Variants in CORIN observed in about 807,000 individuals in gnomAD.
CORIN encodes atrial natriuretic peptide-converting enzyme.
Under a neutral mutation model 125.3 loss-of-function variants are expected in CORIN, and 117 were observed. That is an observed-to-expected ratio of 0.93 (90% CI 0.80 to 1.09). The LOEUF is 1.09. Ranked by LOEUF, CORIN falls within the 50% of genes least tolerant of loss-of-function variation. CORIN has a pLI of 0.00. For missense variants in CORIN, 1,253 were observed against 1,306.7 expected, an observed-to-expected ratio of 0.96 and a Z score of 0.63; for synonymous variants, 450 against 466.4, an observed-to-expected ratio of 0.96 and a Z score of 0.45.
intron 19 of CORIN, among the ~76,000 whole-genome samples, chr4:47,617,563 G>C (rs1255643876): frequency 6.6e-6 from 1 of 152,210 alleles, no homozygotes; most frequent in Non-Finnish European, 1.5e-5. Context: ...GAGTCACCTA[G>C]GGATTTTTAA....
At chr4:47,682,836 A>T (rs1429590615) in intron 7 of CORIN, 2 of 152,240 alleles carry the variant, frequency 1.3e-5, no homozygotes, top group East Asian at 3.8e-4. Flanking sequence ...CATACATTTT[A>T]AAATATTTTT....
At chr4:47,779,002 A>G (rs1389633665) in intron 3 of CORIN, among the ~76,000 whole-genome samples, 1 of 152,194 alleles carries the variant, frequency 6.6e-6, no homozygotes, top group Non-Finnish European at 1.5e-5. Context: ...ATGAACTTGT[A>G]TGGGGAAAAA....
At chr4:47,609,078 CCAGAAA>C (rs1721768268) in intron 19 of CORIN, among the ~76,000 whole-genome samples, 3 of 152,004 alleles carry the variant, frequency 2.0e-5, no homozygotes, top group Admixed American at 6.6e-5. Flanking sequence ...AAGACTTACT[CCAGAAA>C]TAGCATAGCT....
At chr4:47,703,543 A>G (rs1726403987) in intron 5 of CORIN, among the ~76,000 whole-genome samples, 1 of 152,200 alleles carries the variant, frequency 6.6e-6, no homozygotes, top group South Asian at 2.1e-4. Context: ...TTAAACTTAC[A>G]CTATCTGCGC....
chr4:47,771,537 C>A (rs1730029199), intron 3 of CORIN, among the ~76,000 whole-genome samples: 2 of 152,092 alleles, frequency 1.3e-5, no homozygotes, highest in Admixed American at 6.6e-5. Context: ...TATTTCGTCA[C>A]CCAAGTATTA....
chr4:47,661,626 G>T, intron 12 of CORIN, 85 bp downstream of exon 12: 1 of 1,232,326 alleles, frequency 8.1e-7, no homozygotes, highest in Non-Finnish European at 1.1e-6. Context: ...AAACAAACAA[G>T]AAGCCATAAA....
At chr4:47,815,361 G>A (rs1732222312) in intron 1 of CORIN, among the ~76,000 whole-genome samples, 1 of 152,154 alleles carries the variant, frequency 6.6e-6, no homozygotes, top group African/African-American at 2.4e-5. Context: ...TTTCCCTGGA[G>A]GAAAGTTATT....
chr4:47,646,621 A>G (rs1366524174), intron 13 of CORIN, among the ~76,000 whole-genome samples: 1 of 152,232 alleles, frequency 6.6e-6, no homozygotes, highest in Non-Finnish European at 1.5e-5. Flanking sequence ...AAGAGACTAC[A>G]TGGCAAAAAA....
chr4:47,751,809 G>A (rs1045327880), intron 4 of CORIN, among the ~76,000 whole-genome samples: 1 of 152,176 alleles, frequency 6.6e-6, no homozygotes, highest in Admixed American at 6.5e-5. Flanking sequence ...GCATCTAGCA[G>A]TGTGCCTGGC....
intron 1 of CORIN, among the ~76,000 whole-genome samples, chr4:47,819,656 C>G (rs368634174): frequency 6.6e-6 from 1 of 152,248 alleles, no homozygotes; most frequent in African/African-American, 2.4e-5. Context: ...ATCCCATTAG[C>G]CTTAACTGGA....
At chr4:47,779,683 G>T (rs1730456193) in intron 3 of CORIN, among the ~76,000 whole-genome samples, 1 of 152,040 alleles carries the variant, frequency 6.6e-6, no homozygotes, top group African/African-American at 2.4e-5. Flanking sequence ...TGATCCACCT[G>T]CCTCGGCCTC....
At chr4:47,756,354 C>T (rs1445069482) in intron 4 of CORIN, among the ~76,000 whole-genome samples, 2 of 152,198 alleles carry the variant, frequency 1.3e-5, no homozygotes, top group East Asian at 3.9e-4. Context: ...ATGGGCAGAG[C>T]TATGCTTTGA....
At chr4:47,633,364 A>G (rs1207355062) in intron 16 of CORIN, among the ~76,000 whole-genome samples, 3 of 152,196 alleles carry the variant, frequency 2.0e-5, no homozygotes, top group African/African-American at 7.2e-5. Flanking sequence ...TTATCATTCT[A>G]ATATAAATTA....
At chr4:47,623,069 C>CCTCTCTCT (rs372736248) in intron 19 of CORIN, among the ~76,000 whole-genome samples, 3,227 of 93,234 alleles carry the variant, frequency 0.035, 82 homozygotes, top group Admixed American at 0.049. Flanking sequence ...CATAACATAA[C>CCTCTCTCT]CTCTCTCTCT....
chr4:47,666,572 C>G (rs1223365216), intron 10 of CORIN, among the ~76,000 whole-genome samples: 1 of 152,148 alleles, frequency 6.6e-6, no homozygotes, highest in Non-Finnish European at 1.5e-5. Flanking sequence ...AAACTCTAAC[C>G]TGCAATGTGA....
chr4:47,696,068 T>G (rs1408169103), intron 5 of CORIN, among the ~76,000 whole-genome samples: 10 of 152,208 alleles, frequency 6.6e-5, no homozygotes, highest in Non-Finnish European at 1.5e-4. Flanking sequence ...TCTTTTTCTC[T>G]CTAAACAAAA....
chr4:47,806,908 T>A lies in CORIN; in HGVS notation c.203A>T (p.Tyr68Phe), dbSNP rs945348937. Reference sequence around the variant, plus strand: ...TTAATAATGGCCTCACCCACCAACATAGGAAAGCAGGATCACCAGCAAGAG... The same window carrying A: ...TTAATAATGGCCTCACCCACCAACAAAGGAAAGCAGGATCACCAGCAAGAG... Reference protein sequence around the residue: ...LVLLLVILLSYVGTLQKVYFK... With the variant: ...LVLLLVILLSFVGTLQKVYFK... The change falls in exon 2 of 22, where the codon TAT becomes TTT. Residue 68 changes from tyrosine to phenylalanine, a missense_variant. Tyr to Phe is a conservative substitution (Grantham distance 22, BLOSUM62 3). Transcript: ENST00000273857. 3 of 1,611,366 alleles carry A rather than the reference T, an allele frequency of 1.9e-6. No homozygotes were observed. In the African/African-American group the frequency reaches 4.0e-5, roughly 22 times the overall value.
chr4:47,643,724 T>C (rs1395014581), intron 14 of CORIN, among the ~76,000 whole-genome samples: 2 of 152,194 alleles, frequency 1.3e-5, no homozygotes, highest in Non-Finnish European at 2.9e-5. Context: ...TTTTAAAAAT[T>C]ATAGTAAATC....
chr4:47,789,226 C>A (rs1004896139), intron 2 of CORIN, among the ~76,000 whole-genome samples: 2 of 152,104 alleles, frequency 1.3e-5, no homozygotes, highest in African/African-American at 2.4e-5. Flanking sequence ...ATTGTTTGAA[C>A]CCGGCAGGCA....
Sources: allele counts gnomAD v4.1 joint callset (sites outside exome capture counted in the v4.1 genomes callset), GRCh38; gene constraint gnomAD v4.1.1; transcripts MANE v1.5; gene names NCBI Gene and HGNC (gene_info 2026-07-23, HGNC 2026-07-21).